OSBPL9: variants seen among roughly 807,000 people sequenced by gnomAD.
The protein encoded by OSBPL9 is oxysterol binding protein like 9, also known as oxysterol-binding protein-related protein 9.
OSBPL9 carries 40 observed loss-of-function variants against 106.6 expected under a neutral mutation model. The observed-to-expected ratio is 0.38, with a 90% CI of 0.29 to 0.49. OSBPL9 has a LOEUF of 0.49. Among genes scored for constraint, OSBPL9 ranks in the 20% least tolerant of loss-of-function variants. The pLI is 0.97. For missense variants in OSBPL9, 609 were observed against 887.2 expected, an observed-to-expected ratio of 0.69 and a Z score of 3.98; for synonymous variants, 269 against 295.4, an observed-to-expected ratio of 0.91 and a Z score of 0.92.
chr1:51,550,121 C>T, the OSBPL9 span, among the ~76,000 whole-genome samples: 3 of 152,126 alleles, frequency 2.0e-5, no homozygotes, highest in Non-Finnish European at 2.9e-5. Context: ...GAGCAGTTTC[C>T]GCATCTGTAA....
chr1:51,733,328 G>A (rs892275983), intron 4 of OSBPL9, among the ~76,000 whole-genome samples: 2 of 152,180 alleles, frequency 1.3e-5, no homozygotes, highest in Non-Finnish European at 2.9e-5. Flanking sequence ...AATATGTGAC[G>A]ATAATAGCTT....
chr1:51,578,834 C>CA (rs369829633), intron 1 of OSBPL9, among the ~76,000 whole-genome samples: 28 of 152,216 alleles, frequency 1.8e-4, no homozygotes, highest in African/African-American at 6.3e-4. Context: ...ACAGACAAGT[C>CA]AAACAACAGT....
the OSBPL9 span, among the ~76,000 whole-genome samples, chr1:51,536,329 C>G: frequency 7.1e-3 from 1,070 of 151,770 alleles, 8 homozygotes; most frequent in African/African-American, 0.025. Flanking sequence ...TTTTTAGAAA[C>G]AGGATCGCGC....
chr1:51,697,176 AAAAG>A (rs1403869156), intron 3 of OSBPL9, among the ~76,000 whole-genome samples: 8 of 144,168 alleles, frequency 5.5e-5, no homozygotes, highest in Non-Finnish European at 9.1e-5. Context: ...AAAGAAAAAA[AAAAG>A]AAAGAAAAAA....
At chr1:51,608,108 T>C (rs953459549) in intron 2 of OSBPL9, among the ~76,000 whole-genome samples, 16 of 152,184 alleles carry the variant, frequency 1.1e-4, no homozygotes, top group African/African-American at 3.9e-4. Context: ...ACCAGTCTAG[T>C]GTTCCTAGAG....
chr1:51,712,194 C>G (rs1270687534), intron 3 of OSBPL9, among the ~76,000 whole-genome samples: 2 of 152,218 alleles, frequency 1.3e-5, no homozygotes, highest in East Asian at 3.8e-4. Context: ...GCGGATCACT[C>G]GCGGTTAGGG....
At chr1:51,539,907 C>G in the OSBPL9 span, among the ~76,000 whole-genome samples, 3 of 152,234 alleles carry the variant, frequency 2.0e-5, no homozygotes, top group African/African-American at 7.2e-5. Flanking sequence ...CCTGTGTGAT[C>G]TATCGTCTGC....
intron 2 of OSBPL9, among the ~76,000 whole-genome samples, chr1:51,608,468 T>A (rs535929446): frequency 1.1e-4 from 16 of 151,036 alleles, no homozygotes; most frequent in South Asian, 4.2e-4. Context: ...AATTTTTTTT[T>A]TTTTTATTTT....
At chr1:51,623,812 T>C (rs1644591455) in intron 1 of OSBPL9, among the ~76,000 whole-genome samples, 1 of 152,188 alleles carries the variant, frequency 6.6e-6, no homozygotes, top group South Asian at 2.1e-4. Flanking sequence ...CAGATTCTCC[T>C]GGAAAGGTAT....
At chr1:51,712,520 A>T (rs1194527294) in intron 3 of OSBPL9, among the ~76,000 whole-genome samples, 1 of 152,092 alleles carries the variant, frequency 6.6e-6, no homozygotes, top group Non-Finnish European at 1.5e-5. Flanking sequence ...CAGTTCTGTA[A>T]TTGTCTCTTT....
intron 3 of OSBPL9, among the ~76,000 whole-genome samples, chr1:51,670,503 T>C (rs992819620): frequency 6.6e-6 from 1 of 152,196 alleles, no homozygotes; most frequent in African/African-American, 2.4e-5. Flanking sequence ...CTGTTGTCTT[T>C]TTGTGCTAGG....
At chr1:51,730,011 C>T (rs1663995805) in intron 4 of OSBPL9, 1 of 1,311,802 alleles carries the variant, frequency 7.6e-7, no homozygotes, top group East Asian at 2.8e-5. Flanking sequence ...AGTGAGTAGA[C>T]CCCGAGGGTC....
intron 10 of OSBPL9, 130 bp from the exon 11 acceptor site, chr1:51,761,737 G>T (rs1344989781): frequency 1.5e-6 from 1 of 678,722 alleles, no homozygotes. Context: ...GAGTAGCATG[G>T]AACTAGACTT....
At chr1:51,556,169 G>A in the OSBPL9 span, among the ~76,000 whole-genome samples, 6 of 152,060 alleles carry the variant, frequency 3.9e-5, no homozygotes, top group Non-Finnish European at 7.4e-5. Context: ...GAGACTTAGC[G>A]ATAATATAGG....
chr1:51,618,046 C>T (rs373641480), intron 1 of OSBPL9, among the ~76,000 whole-genome samples: 2 of 148,106 alleles, frequency 1.4e-5, no homozygotes, highest in Non-Finnish European at 3.0e-5. Flanking sequence ...GAGACGGAGT[C>T]TCGCCCTGTT....
the OSBPL9 span, among the ~76,000 whole-genome samples, chr1:51,542,437 C>T: frequency 2.0e-5 from 3 of 152,176 alleles, no homozygotes; most frequent in African/African-American, 7.2e-5. Context: ...GGACTTTAAT[C>T]TTGAATCACA....
chr1:51,705,411 T>TA (rs1658315677), intron 3 of OSBPL9, among the ~76,000 whole-genome samples: 1 of 100,492 alleles, frequency 1.0e-5, no homozygotes, highest in Non-Finnish European at 2.0e-5. Flanking sequence ...TTTTTTTTTT[T>TA]TTTTTTTTTT....
intron 8 of OSBPL9, among the ~76,000 whole-genome samples, chr1:51,753,435 T>TA (rs961117522): frequency 6.6e-6 from 1 of 152,164 alleles, no homozygotes; most frequent in Non-Finnish European, 1.5e-5. Flanking sequence ...TTATTAAATT[T>TA]AAAAAAAGAA....
chr1:51,631,861 C>T (rs949206127), intron 1 of OSBPL9, among the ~76,000 whole-genome samples: 1 of 152,198 alleles, frequency 6.6e-6, no homozygotes, highest in Admixed American at 6.5e-5. Context: ...ATAATTTTCT[C>T]ACTGATAGAA....
Sources: allele counts gnomAD v4.1 joint callset (sites outside exome capture counted in the v4.1 genomes callset), GRCh38; gene constraint gnomAD v4.1.1; transcripts MANE v1.5; gene names NCBI Gene and HGNC (gene_info 2026-07-23, HGNC 2026-07-21).